Variants in RGL3 observed in about 807,000 individuals in gnomAD.
RGL3 encodes the protein ral guanine nucleotide dissociation stimulator like 3.
Under a neutral mutation model 90.6 loss-of-function variants are expected in RGL3, and 85 were observed. That is an observed-to-expected ratio of 0.94 (90% confidence interval 0.79 to 1.12). The LOEUF is 1.12. Among genes scored for constraint, RGL3 ranks in the 50% most tolerant of loss-of-function variants. The pLI is 0.00. For missense variants in RGL3, 1,034 were observed against 939.2 expected (o/e 1.10, Z -1.32); for synonymous variants, 408 against 385.5 (o/e 1.06, Z -0.68).
chr19:11,408,158 G>T (rs1424693327), intron 5 of RGL3, among the ~76,000 whole-genome samples: 1 of 152,154 alleles, frequency 6.6e-6, no homozygotes, highest in African/African-American at 2.4e-5. Context: ...GTAGAGACAG[G>T]GTCTCATTAT....
In RGL3 at chr19:11,396,100, A is replaced by ATCTCTC. The variant is rs66711304; in HGVS notation, c.2014+1138_2014+1143dup. On this transcript the variant is annotated intron_variant, in intron 18 of 18. Transcript: ENST00000380456. ...AGGCACATGCCACCATGCTCAGCTA[A>ATCTCTC]TCTCTCTCTCTCTCTCTCTCTCTCT... 1.2e-3 allele frequency among the ~76,000 whole-genome samples: 41 copies of ATCTCTC among 33,922 alleles called. 2 individuals are homozygous for ATCTCTC. The highest frequency in any genetic ancestry group is 3.8e-3 in the African/African-American group (35 of 9,272). The allele number at this position is 33,922 out of a possible 152,430, so 22.3% of individuals were successfully genotyped here.
chr19:11,397,619 G>A, intron 16 of RGL3, 22 bp from the exon 17 acceptor site: 1 of 1,516,674 alleles, frequency 6.6e-7, no homozygotes, highest in Non-Finnish European at 8.9e-7. Context: ...AAGGGGTGGA[G>A]GCTACAGCTT....
Position 11,402,120 on chromosome 19 carries a change from G to C in RGL3, c.1375C>G (p.Leu459Val), listed in dbSNP as rs1287093575. The change falls in exon 13 of 19, where the codon CTG (leucine) becomes GTG (valine). Residue 459 changes from leucine to valine, a missense_variant. By Grantham distance (32) the Leu-to-Val change is conservative. Transcript: ENST00000380456. Reference sequence around the variant, plus strand: ...CTCTGCAGCTGCTGGATGCGGGCCAGGATCTCCCACTCCTGGAGGACGAGC... The same window carrying C: ...CTCTGCAGCTGCTGGATGCGGGCCACGATCTCCCACTCCTGGAGGACGAGC... ...FEKRRKEWEI[L>V]ARIQQLQRRC... The C allele has an allele frequency of 5.6e-6, 9 of 1,607,748 alleles. No homozygotes were observed. Among genetic ancestry groups the C allele is most frequent in the Non-Finnish European group, 7.6e-6 (9 of 1,177,082 alleles).
Position 11,402,258 on chromosome 19 carries a change from A to C in RGL3, c.1330-11T>G, listed in dbSNP as rs952901701. On this transcript the variant is annotated splice_polypyrimidine_tract_variant and intron_variant, in intron 11 of 18. Coordinates refer to ENST00000380456, the MANE Select transcript of RGL3 (RefSeq NM_001035223.4). ...GTTAATGAGATCCCCCTGGGGGCAA[A>C]GTGTGTCTGAATTGCAGCACCCAGG... 3.7e-5 allele frequency: 60 copies of C among 1,612,964 alleles called. No homozygotes were observed. The highest frequency in any genetic ancestry group is 4.6e-5 in the Non-Finnish European group (54 of 1,179,948).
chr19:11,418,532 CCTGGTCGCCTCAT>C (rs1471678608), intron 2 of RGL3, 126 bp downstream of exon 2: 5 of 635,778 alleles, frequency 7.9e-6, no homozygotes, highest in South Asian at 2.0e-5. Flanking sequence ...CCCCTTTCTA[CCTGGTCGCCTCAT>C]CTGGTCGCCT....
intron 5 of RGL3, chr19:11,409,026 A>G (rs1231190673): frequency 1.3e-5 from 2 of 152,036 alleles, no homozygotes; most frequent in Non-Finnish European, 2.9e-5. Flanking sequence ...AAAATACAAA[A>G]ATCAGCTGAG....
At chr19:11,417,531 C>T (rs1460310419) in intron 2 of RGL3, among the ~76,000 whole-genome samples, 4 of 143,244 alleles carry the variant, frequency 2.8e-5, no homozygotes, top group East Asian at 2.1e-4. Flanking sequence ...AGTTCAGTGG[C>T]GTGATCTTGG....
At chr19:11,399,121 A>G (rs1968627174) in intron 16 of RGL3, among the ~76,000 whole-genome samples, 2 of 151,836 alleles carry the variant, frequency 1.3e-5, no homozygotes, top group Admixed American at 1.3e-4. Flanking sequence ...TTGACTTTTA[A>G]TAGAAATAGG....
chr19:11,416,812 C>G lies in RGL3; in HGVS notation c.371+24G>C, dbSNP rs774565882. On this transcript the variant is annotated intron_variant, in intron 3 of 18. Coordinates refer to ENST00000380456, the MANE Select transcript of RGL3 (RefSeq NM_001035223.4). ...AGTTGGGGTTCTAGGGTGGAGAATA[C>G]GGAGGTTATGGTTCGCTACTGACCC... 3.1e-6 allele frequency: 5 copies of G among 1,611,324 alleles called. No homozygotes were observed. The South Asian group carries it at 5.5e-5, about 18-fold the overall frequency.
chr19:11,398,368 C>T (rs1353038465), intron 16 of RGL3, among the ~76,000 whole-genome samples: 1 of 151,692 alleles, frequency 6.6e-6, no homozygotes, highest in Non-Finnish European at 1.5e-5. Context: ...TTTTTTGAGA[C>T]AGAGTCTTGC....
rs145065828 is a variant in RGL3 at position 11,416,385 on chromosome 19, G to T, written c.425+229C>A. 36 of 619,758 alleles carry T rather than the reference G, an allele frequency of 5.8e-5. No homozygotes were observed. In the Admixed American group the frequency reaches 1.0e-3, roughly 18 times the overall value. The allele number at this position is 619,758 out of a possible 1,614,324, so 38.4% of individuals were successfully genotyped here. Reference sequence around the variant, plus strand: ...TTGTTGTTGTTGTATTTTTAGTAGAGACAGGGTTTCGCCATATTGGCCAGG... The same window carrying T: ...TTGTTGTTGTTGTATTTTTAGTAGATACAGGGTTTCGCCATATTGGCCAGG... On this transcript the variant is annotated intron_variant, in intron 4 of 18. Transcript: ENST00000380456.
In RGL3 at chr19:11,399,851, G is replaced by C. The variant is rs768302919; in HGVS notation, c.1746+4C>G. 2 of 1,480,698 alleles carry C rather than the reference G, an allele frequency of 1.4e-6. No individual in the cohort carries two copies. The highest frequency in any genetic ancestry group is 1.8e-6 in the Non-Finnish European group (2 of 1,111,668). The allele number at this position is 1,480,698 out of a possible 1,614,324, so 91.7% of individuals were successfully genotyped here. ...CCGCATGCACACACAAGCCGTCTTG[G>C]TACCTTGGTGCTGGGGCCCTGGGGC... On this transcript the variant is annotated splice_donor_region_variant and intron_variant, in intron 16 of 18. Transcript: ENST00000380456.
intron 18 of RGL3, 115 bp downstream of exon 18, chr19:11,397,129 G>C (rs1672791663): frequency 1.3e-6 from 1 of 788,964 alleles, no homozygotes; most frequent in African/African-American, 1.7e-5. Context: ...CTCTCTGCCT[G>C]AAGCACCTCA....
intron 8 of RGL3, 26 bp from the exon 9 acceptor site, chr19:11,405,257 A>G: frequency 3.1e-6 from 5 of 1,613,206 alleles, no homozygotes; most frequent in Non-Finnish European, 4.2e-6. Context: ...AAGGGTGGTC[A>G]GGGGTCAGTG....
intron 7 of RGL3, 67 bp downstream of exon 7, chr19:11,406,352 G>C (rs1968777756): frequency 1.4e-6 from 2 of 1,426,176 alleles, no homozygotes; most frequent in Non-Finnish European, 1.9e-6. Context: ...TCTCTCTCCG[G>C]AGCCCTCATT....
chr19:11,411,923 A>AT (rs1346898283), intron 5 of RGL3, among the ~76,000 whole-genome samples: 3 of 151,916 alleles, frequency 2.0e-5, no homozygotes, highest in Non-Finnish European at 2.9e-5. Context: ...CCTGGATTGG[A>AT]TTTTTTTTAT....
At chr19:11,417,354 T>C (rs1205929048) in intron 2 of RGL3, among the ~76,000 whole-genome samples, 1 of 151,632 alleles carries the variant, frequency 6.6e-6, no homozygotes, top group Non-Finnish European at 1.5e-5. Flanking sequence ...TTCACCATGT[T>C]GGTCAGACTG....
At chr19:11,415,467 TCAGA>T (rs1423136330) in intron 5 of RGL3, among the ~76,000 whole-genome samples, 1 of 151,784 alleles carries the variant, frequency 6.6e-6, no homozygotes, top group East Asian at 1.9e-4. Context: ...TGCTAATACT[TCAGA>T]CAAAGAATTT....
chr19:11,395,711 T>G (rs58198150), intron 18 of RGL3, among the ~76,000 whole-genome samples: 18,563 of 151,960 alleles, frequency 0.12, 1,524 homozygotes, highest in African/African-American at 0.24. Context: ...CACTGCAACC[T>G]TCACCTCCTG....
Sources: gnomAD v4.1 joint callset for allele counts (sites outside exome capture counted in the v4.1 genomes callset) on GRCh38, gnomAD v4.1.1 for gene constraint, MANE v1.5 for transcripts, NCBI Gene and HGNC (gene_info 2026-07-23, HGNC 2026-07-21) for gene names.